Variants in SOX5 observed in about 807,000 individuals in gnomAD.
SOX5 encodes the protein transcription factor SOX-5.
A neutral mutation model predicts 92.0 loss-of-function variants in SOX5; 9 were observed. That is an observed-to-expected ratio of 0.10 (90% CI 0.06 to 0.17). The LOEUF (loss-of-function observed/expected upper bound fraction) is 0.17, where lower values mean the gene tolerates loss of function less well. SOX5 is among the 10% of genes least tolerant of loss of function. SOX5 has a pLI of 1.00. For synonymous variants in SOX5, 344 were observed against 336.3 expected, an observed-to-expected ratio of 1.02 and a Z score of -0.25; for missense variants, 642 against 944.5, an observed-to-expected ratio of 0.68 and a Z score of 4.20.
chr12:23,649,996 T>C (rs1426490271), intron 7 of SOX5, among the ~76,000 whole-genome samples: 2 of 152,118 alleles, frequency 1.3e-5, no homozygotes, highest in East Asian at 1.9e-4. Context: ...CATTCCTTTA[T>C]TGGCCTTACA....
intron 4 of SOX5, among the ~76,000 whole-genome samples, chr12:24,155,564 A>G (rs1013421326): frequency 2.0e-5 from 3 of 152,158 alleles, no homozygotes; most frequent in Non-Finnish European, 4.4e-5. Context: ...TTTCCTGCCC[A>G]CATGGTGGCC....
intron 2 of SOX5, among the ~76,000 whole-genome samples, chr12:23,858,132 T>C (rs528347058): frequency 2.0e-5 from 3 of 152,090 alleles, no homozygotes; most frequent in Non-Finnish European, 4.4e-5. Flanking sequence ...TGTTGTTTTT[T>C]TGTTTGTTTT....
At chr12:24,315,660 CAAAAT>C (rs1949629617) in intron 2 of SOX5, among the ~76,000 whole-genome samples, 1 of 151,902 alleles carries the variant, frequency 6.6e-6, no homozygotes, top group Non-Finnish European at 1.5e-5. Context: ...AAAAAAAAAT[CAAAAT>C]AAAATAAAAT....
Position 23,534,350 on chromosome 12 carries a change from G to T in SOX5, c.2161C>A (p.His721Asn). The T allele has an allele frequency of 6.8e-6, 11 of 1,614,002 alleles. No homozygotes were observed. Among genetic ancestry groups the T allele is most frequent in the Non-Finnish European group, 9.3e-6 (11 of 1,179,998 alleles). ...TCGGCCTGTATCTCTTCTTTGATATGTGGCTCCTCTCCTTTCACACCGTAA... is the reference window on the plus strand; with the variant it reads ...TCGGCCTGTATCTCTTCTTTGATATTTGGCTCCTCTCCTTTCACACCGTAA... ...STYGVKGEEP[H>N]IKEEIQAEDI... Residue 721 changes from histidine to asparagine, a missense_variant, in exon 15 of 15, where the codon CAT becomes AAT. Physicochemically the swap from His to Asn is moderately conservative, Grantham distance 68. This residue lies in a region of SOX5 where 130 missense variants were observed against 140.6 expected (regional missense o/e 0.92). Transcript: ENST00000451604.
intron 4 of SOX5, among the ~76,000 whole-genome samples, chr12:23,966,078 C>T (rs1235965811): frequency 6.6e-6 from 1 of 151,906 alleles, no homozygotes; most frequent in Non-Finnish European, 1.5e-5. Flanking sequence ...AATGTCCTTT[C>T]ATAGGAACAT....
chr12:24,232,062 C>G (rs1963508085), intron 3 of SOX5, among the ~76,000 whole-genome samples: 1 of 152,128 alleles, frequency 6.6e-6, no homozygotes, highest in African/African-American at 2.4e-5. Flanking sequence ...TTTCTAAAAT[C>G]CACTTCAGAT....
At chr12:24,155,254 C>T (rs1952045324) in intron 4 of SOX5, among the ~76,000 whole-genome samples, 1 of 151,998 alleles carries the variant, frequency 6.6e-6, no homozygotes, top group Non-Finnish European at 1.5e-5. Context: ...GTCAGCCATA[C>T]CCTGCTGGTA....
chr12:23,603,094 A>G (rs1247835086), intron 9 of SOX5, among the ~76,000 whole-genome samples: 2 of 151,996 alleles, frequency 1.3e-5, no homozygotes, highest in African/African-American at 4.8e-5. Context: ...ATATTCCCCA[A>G]AATATTTGTC....
intron 7 of SOX5, among the ~76,000 whole-genome samples, chr12:23,650,317 G>A (rs927374055): frequency 6.6e-6 from 1 of 151,988 alleles, no homozygotes; most frequent in Non-Finnish European, 1.5e-5. Flanking sequence ...ATTATACTTC[G>A]GGACCATTTT....
intron 1 of SOX5, among the ~76,000 whole-genome samples, chr12:24,541,469 T>C (rs574055527): frequency 6.6e-6 from 1 of 152,358 alleles, no homozygotes; most frequent in East Asian, 1.9e-4. Flanking sequence ...ACAATGGGAC[T>C]CAATACTATT....
intron 3 of SOX5, among the ~76,000 whole-genome samples, chr12:24,271,690 T>C (rs190097703): frequency 1.2e-3 from 176 of 152,346 alleles, no homozygotes; most frequent in African/African-American, 4.0e-3. Flanking sequence ...ATTTTTTACA[T>C]GGAAAATGAA....
chr12:24,373,124 GA>G (rs5797081), intron 1 of SOX5, among the ~76,000 whole-genome samples: 10 of 149,444 alleles, frequency 6.7e-5, no homozygotes, highest in African/African-American at 2.5e-4. Context: ...GTGTCAAGAG[GA>G]AAAAAAAAAC....
Position 23,536,675 on chromosome 12 carries a change from A to G in SOX5, c.1772-6T>C. On this transcript the variant is annotated splice_polypyrimidine_tract_variant and splice_region_variant and intron_variant, in intron 13 of 14. Coordinates refer to ENST00000451604, the MANE Select transcript of SOX5 (RefSeq NM_006940.6). ...CATAGCTTTCCAGCGAGATCCTATG[A>G]AGAAAGGAGGTTAGGATTCCAATTT... is the stretch of plus-strand genomic sequence containing the variant. 3.1e-6 allele frequency: 5 copies of G among 1,608,782 alleles called. No homozygotes were observed. Among genetic ancestry groups the G allele is most frequent in the Non-Finnish European group, 4.3e-6 (5 of 1,175,126 alleles).
At chr12:23,562,907 G>A (rs572884290) in intron 11 of SOX5, among the ~76,000 whole-genome samples, 1 of 152,270 alleles carries the variant, frequency 6.6e-6, no homozygotes, top group South Asian at 2.1e-4. Flanking sequence ...AGAAGATTCA[G>A]CATTTCAAAT....
chr12:24,176,527 C>A (rs1954828514), intron 4 of SOX5, among the ~76,000 whole-genome samples: 2 of 152,128 alleles, frequency 1.3e-5, no homozygotes, highest in Admixed American at 1.3e-4. Context: ...GTCATTACAG[C>A]CTGCTGTGGT....
At chr12:24,492,853 T>G (rs929613040) in intron 1 of SOX5, among the ~76,000 whole-genome samples, 1 of 152,282 alleles carries the variant, frequency 6.6e-6, no homozygotes, top group Admixed American at 6.5e-5. Context: ...TGTATTAAAA[T>G]TTTTTTAAGA....
chr12:24,075,381 A>C (rs766183760), intron 4 of SOX5, among the ~76,000 whole-genome samples: 50 of 151,506 alleles, frequency 3.3e-4, no homozygotes, highest in Non-Finnish European at 6.0e-4. Flanking sequence ...AAAACTCAAT[A>C]TTATATTTGT....
chr12:23,689,280 G>C (rs2900524), intron 6 of SOX5, among the ~76,000 whole-genome samples: 116,650 of 152,050 alleles, frequency 0.77, 45,110 homozygotes, highest in East Asian at 0.95. Flanking sequence ...TTCTTAATTA[G>C]ATTTTTTTGT....
chr12:24,258,941 G>A (rs1028697037), intron 3 of SOX5, among the ~76,000 whole-genome samples: 2 of 152,188 alleles, frequency 1.3e-5, no homozygotes, highest in African/African-American at 4.8e-5. Context: ...GTCAAGTTCT[G>A]GTGAGCCCAA....
Sources: gnomAD v4.1 joint callset for allele counts (sites outside exome capture counted in the v4.1 genomes callset) on GRCh38, gnomAD v4.1.1 for gene constraint, gnomAD v4.1.1 regional missense constraint, MANE v1.5 for transcripts, NCBI Gene and HGNC (gene_info 2026-07-23, HGNC 2026-07-21) for gene names.